Variants in CYP19A1 observed in about 807,000 individuals in gnomAD.
CYP19A1 encodes the protein cytochrome P450 family 19 subfamily A member 1.
A neutral mutation model predicts 44.4 loss-of-function variants in CYP19A1; 32 were observed. The observed-to-expected ratio is 0.72, with a 90% CI of 0.54 to 0.97. The LOEUF is 0.97. Among genes scored for constraint, CYP19A1 ranks in the 50% least tolerant of loss-of-function variants. The pLI is 0.00. For synonymous variants in CYP19A1, 212 were observed against 215.6 expected, an observed-to-expected ratio of 0.98 and a Z score of 0.14; for missense variants, 598 against 637.8, an observed-to-expected ratio of 0.94 and a Z score of 0.67.
chr15:51,263,142 C>CA (rs371999364), intron 1 of CYP19A1, among the ~76,000 whole-genome samples: 154 of 144,708 alleles, frequency 1.1e-3, no homozygotes, highest in Admixed American at 3.4e-3. Context: ...AAGGAACAGA[C>CA]AAAAAAAAAA....
At chr15:51,239,339 C>G (rs890664264) in intron 2 of CYP19A1, among the ~76,000 whole-genome samples, 4 of 152,186 alleles carry the variant, frequency 2.6e-5, no homozygotes, top group South Asian at 2.1e-4. Flanking sequence ...CCTGTGTGCA[C>G]ATATACATTC....
rs187236850 is a variant in CYP19A1, at chr15:51,251,176, C to T, written c.-38-8226G>A. 3.9e-5 allele frequency among the ~76,000 whole-genome samples: 6 copies of T among 152,218 alleles called. No individual in the cohort carries two copies. The East Asian group carries it at 7.7e-4, about 20-fold the overall frequency. Reference sequence around the variant, plus strand: ...GCCAAGTGCCAGTGGTGGTGTTTGTCGTTCCTCCGGCTTTAAGGTCTCTGT... The same window carrying T: ...GCCAAGTGCCAGTGGTGGTGTTTGTTGTTCCTCCGGCTTTAAGGTCTCTGT... On this transcript the variant is annotated intron_variant, in intron 1 of 9. Coordinates refer to ENST00000396402, the MANE Select transcript of CYP19A1 (RefSeq NM_000103.4).
At chr15:51,300,880 G>A (rs560365285) in intron 1 of CYP19A1, among the ~76,000 whole-genome samples, 2 of 152,238 alleles carry the variant, frequency 1.3e-5, no homozygotes, top group African/African-American at 4.8e-5. Flanking sequence ...AACGGTGGTA[G>A]GCCCCAAACT....
At chr15:51,318,139 T>G (rs1224410121) in intron 1 of CYP19A1, among the ~76,000 whole-genome samples, 1 of 152,148 alleles carries the variant, frequency 6.6e-6, no homozygotes, top group Non-Finnish European at 1.5e-5. Flanking sequence ...CACTGTGTAG[T>G]AAGTACCAAT....
At chr15:51,247,374 T>C (rs898202774) in intron 1 of CYP19A1, among the ~76,000 whole-genome samples, 12 of 152,246 alleles carry the variant, frequency 7.9e-5, no homozygotes, top group African/African-American at 2.9e-4. Flanking sequence ...ACTATGCAGA[T>C]ATTTCACCAT....
chr15:51,214,396 C>G (rs574757527), intron 8 of CYP19A1, among the ~76,000 whole-genome samples: 14 of 152,196 alleles, frequency 9.2e-5, no homozygotes, highest in African/African-American at 3.4e-4. Flanking sequence ...CTGGAAGCTC[C>G]CCTGCAGAGG....
At chr15:51,212,665 A>G (rs1408924719) in intron 8 of CYP19A1, 104 bp from the exon 9 acceptor site, 6 of 794,406 alleles carry the variant, frequency 7.6e-6, no homozygotes, top group Non-Finnish European at 1.3e-5. Context: ...CTCTTGGTTG[A>G]AAAAAATTGT....
At position 51,247,554 on chromosome 15, in the gene CYP19A1, C is replaced by T. The variant is rs141227102; in HGVS notation, c.-38-4604G>A. Among the ~76,000 whole-genome samples, 5 of 152,240 alleles carry T rather than the reference C, an allele frequency of 3.3e-5. No individual in the cohort carries two copies. The East Asian group carries it at 5.8e-4, about 18-fold the overall frequency. ...GTGACACAATTTCAGCTCACTGCAA[C>T]GTCTTCCTCCCAGGTTCCAGCGATT... On this transcript the variant is annotated intron_variant, in intron 1 of 9. Coordinates refer to ENST00000396402, the MANE Select transcript of CYP19A1 (RefSeq NM_000103.4).
chr15:51,305,380 G>A (rs921535133), intron 1 of CYP19A1, among the ~76,000 whole-genome samples: 2 of 152,144 alleles, frequency 1.3e-5, no homozygotes, highest in African/African-American at 4.8e-5. Context: ...CGTTATGATT[G>A]TCTCAAAACT....
intron 3 of CYP19A1, among the ~76,000 whole-genome samples, chr15:51,229,202 G>C (rs2032829823): frequency 6.6e-6 from 1 of 151,952 alleles, no homozygotes; most frequent in South Asian, 2.1e-4. Flanking sequence ...GTAGTGTCAA[G>C]AAATTAGAAC....
intron 1 of CYP19A1, chr15:51,293,531 T>G (rs1441402932): frequency 6.6e-6 from 1 of 152,318 alleles, no homozygotes; most frequent in African/African-American, 2.4e-5. Flanking sequence ...GAATGCCTGA[T>G]ACGCTCTCGC....
chr15:51,327,414 A>G (rs567825023), intron 1 of CYP19A1, among the ~76,000 whole-genome samples: 1 of 152,248 alleles, frequency 6.6e-6, no homozygotes, highest in African/African-American at 2.4e-5. Flanking sequence ...GAGTAGAGCC[A>G]TCTAATGTTC....
At position 51,312,131 on chromosome 15, in the gene CYP19A1, A is replaced by C. The variant is rs985124672; in HGVS notation, c.-39+26364T>G. 2.6e-5 allele frequency: 4 copies of C among 152,240 alleles called. No individual in the cohort carries two copies. In the East Asian group the frequency reaches 7.7e-4, roughly 29 times the overall value. 9.4% of individuals were successfully genotyped at this position (152,240 alleles called of 1,614,324 possible). On this transcript the variant is annotated intron_variant, in intron 1 of 9. Coordinates refer to ENST00000396402, the MANE Select transcript of CYP19A1 (RefSeq NM_000103.4). ...AACCAGAATGGAAGTCAGCTTTCCC[A>C]GCAGCTTCCGGCAGAGCCCTGCAAG...
chr15:51,209,344 A>C lies in CYP19A1; in HGVS notation c.*1464T>G, dbSNP rs1435338447. Reference sequence around the variant, plus strand: ...GACAGGGAAATGGGGATGGAAATAGATTACAAAAGAAAGAAAGTAGCTCCT... The same window carrying C: ...GACAGGGAAATGGGGATGGAAATAGCTTACAAAAGAAAGAAAGTAGCTCCT... On this transcript the variant is annotated 3_prime_UTR_variant, in exon 10 of 10. Transcript: ENST00000396402. The C allele has an allele frequency of 6.6e-6, 1 of 152,220 alleles. No individual in the cohort carries two copies. The highest frequency in any genetic ancestry group is 6.5e-5 in the Admixed American group (1 of 15,276). 9.4% of individuals were successfully genotyped at this position (152,220 alleles called of 1,614,324 possible).
chr15:51,303,834 C>T (rs1180250156), intron 1 of CYP19A1, among the ~76,000 whole-genome samples: 1 of 152,126 alleles, frequency 6.6e-6, no homozygotes, highest in African/African-American at 2.4e-5. Context: ...CGTGTCCATG[C>T]CTCAGTAAGA....
chr15:51,291,921 G>T (rs911263729), intron 1 of CYP19A1, among the ~76,000 whole-genome samples: 10 of 152,336 alleles, frequency 6.6e-5, no homozygotes, highest in African/African-American at 2.4e-4. Context: ...GGAAAGAGAA[G>T]CCATCAGCTT....
Position 51,215,785 on chromosome 15 carries a change from A to C in CYP19A1, c.776T>G (p.Ile259Arg), listed in dbSNP as rs1418840749. ...KDLKDAIEVL[I>R]AEKRRRISTE... ...GGAAATCCTGCGTCTTTTTTCTGCT[A>C]TCAGAACTTCTATGGCATCTTTCAA... The change falls in exon 7 of 10, where the codon ATA becomes AGA. Residue 259 changes from isoleucine (I) to arginine (R), a missense_variant. Physicochemically the swap from Ile to Arg is moderately conservative, Grantham distance 97. Coordinates refer to ENST00000396402, the MANE Select transcript of CYP19A1 (RefSeq NM_000103.4). The C allele has an allele frequency of 6.2e-7, 1 of 1,613,976 alleles. No individual in the cohort carries two copies. The highest frequency in any genetic ancestry group is 1.3e-5 in the African/African-American group (1 of 75,038).
At chr15:51,285,785 A>C (rs933825545) in intron 1 of CYP19A1, among the ~76,000 whole-genome samples, 3 of 152,148 alleles carry the variant, frequency 2.0e-5, no homozygotes, top group African/African-American at 4.8e-5. Context: ...GGGCTTCCAG[A>C]GCTCAGGGCC....
intron 1 of CYP19A1, chr15:51,318,313 T>A (rs1162561375): frequency 2.6e-5 from 4 of 152,232 alleles, no homozygotes; most frequent in Admixed American, 1.3e-4. Context: ...AAAGTGGAGA[T>A]GCAAAGCCAT....
Sources: gnomAD v4.1 joint callset for allele counts (sites outside exome capture counted in the v4.1 genomes callset) on GRCh38, gnomAD v4.1.1 for gene constraint, MANE v1.5 for transcripts, NCBI Gene and HGNC (gene_info 2026-07-23, HGNC 2026-07-21) for gene names.